Variants in KLHL29 observed in about 807,000 individuals in gnomAD.
KLHL29 encodes the protein kelch-like protein 29.
In KLHL29, 21 loss-of-function variants were observed where a neutral mutation model predicts 80.4. The ratio of observed to expected loss-of-function variants is 0.26; its 90% CI spans 0.19 to 0.38. The LOEUF (loss-of-function observed/expected upper bound fraction) is 0.38, where lower values mean the gene tolerates loss of function less well. KLHL29 is among the 10% of genes least tolerant of loss of function. The pLI is 1.00. For synonymous variants in KLHL29, 511 were observed against 526.8 expected, an observed-to-expected ratio of 0.97 and a Z score of 0.41; for missense variants, 867 against 1,223.9, an observed-to-expected ratio of 0.71 and a Z score of 4.35.
chr2:23,626,086 G>A (rs1669300682), intron 3 of KLHL29, among the ~76,000 whole-genome samples: 2 of 152,242 alleles, frequency 1.3e-5, no homozygotes, highest in African/African-American at 2.4e-5. Context: ...TTCCATGCAT[G>A]GGGGTAGGAG....
chr2:23,658,311 G>C (rs1670302788), intron 5 of KLHL29, among the ~76,000 whole-genome samples: 2 of 152,128 alleles, frequency 1.3e-5, no homozygotes, highest in Non-Finnish European at 2.9e-5. Flanking sequence ...CTGAGCCCTG[G>C]ACACCAGGGT....
At chr2:23,640,933 G>A (rs1236762833) in intron 4 of KLHL29, among the ~76,000 whole-genome samples, 2 of 152,072 alleles carry the variant, frequency 1.3e-5, no homozygotes, top group Non-Finnish European at 2.9e-5. Context: ...GCCCCACCTC[G>A]GCGCCATTTT....
At chr2:23,412,362 C>T (rs1666886347) in intron 1 of KLHL29, among the ~76,000 whole-genome samples, 1 of 152,186 alleles carries the variant, frequency 6.6e-6, no homozygotes, top group Admixed American at 6.5e-5. Context: ...ACCAAGCCCT[C>T]ACCAGCTCTT....
At chr2:23,679,151 C>T (rs1157377084) in intron 5 of KLHL29, among the ~76,000 whole-genome samples, 1 of 152,112 alleles carries the variant, frequency 6.6e-6, no homozygotes, top group Admixed American at 6.5e-5. Context: ...CTATTCATGC[C>T]TTGTGTATCA....
chr2:23,687,494 C>T lies in KLHL29; in HGVS notation c.1079+2957C>T, dbSNP rs532969059. Among the ~76,000 whole-genome samples, 17 of 152,344 alleles carry T rather than the reference C, an allele frequency of 1.1e-4. 1 individual carries two copies. The South Asian group carries it at 3.3e-3, about 30-fold the overall frequency. ...TGGGAATTCAAGTCACTCACTGGCT[C>T]GTCACTCAGCAAACACACAGGAGCC... On this transcript the variant is annotated intron_variant, in intron 6 of 13. Transcript: ENST00000486442.
intron 1 of KLHL29, among the ~76,000 whole-genome samples, chr2:23,428,181 T>C (rs1247569660): frequency 6.6e-6 from 1 of 152,204 alleles, no homozygotes; most frequent in Non-Finnish European, 1.5e-5. Flanking sequence ...GTTTGGACCG[T>C]GTCCGCAGAA....
At chr2:23,487,473 A>C (rs1664966002) in intron 2 of KLHL29, among the ~76,000 whole-genome samples, 1 of 152,148 alleles carries the variant, frequency 6.6e-6, no homozygotes, top group Non-Finnish European at 1.5e-5. Context: ...CTGGGGAAGA[A>C]GTTCTTTGCT....
At chr2:23,404,740 C>G (rs769288446) in intron 1 of KLHL29, among the ~76,000 whole-genome samples, 1 of 152,242 alleles carries the variant, frequency 6.6e-6, no homozygotes, top group Non-Finnish European at 1.5e-5. Flanking sequence ...CCAACACTTC[C>G]GGCCAGGAAT....
intron 2 of KLHL29, among the ~76,000 whole-genome samples, chr2:23,488,258 T>C (rs558744916): frequency 2.6e-5 from 4 of 152,322 alleles, no homozygotes; most frequent in Admixed American, 2.6e-4. Context: ...GCTGACAATC[T>C]CCACCTGCTA....
intron 2 of KLHL29, among the ~76,000 whole-genome samples, chr2:23,556,739 C>A (rs904878061): frequency 6.6e-6 from 1 of 152,146 alleles, no homozygotes; most frequent in African/African-American, 2.4e-5. Context: ...CCTGCAAGAT[C>A]CCAAAGGCCA....
chr2:23,427,571 A>G (rs1663037743), intron 1 of KLHL29, among the ~76,000 whole-genome samples: 1 of 152,230 alleles, frequency 6.6e-6, no homozygotes, highest in South Asian at 2.1e-4. Flanking sequence ...TCATCATCAC[A>G]GCAAAATTGC....
chr2:23,622,680 C>T (rs1287634084), intron 3 of KLHL29, among the ~76,000 whole-genome samples: 1 of 152,230 alleles, frequency 6.6e-6, no homozygotes, highest in Non-Finnish European at 1.5e-5. Flanking sequence ...AAGGCCTGCT[C>T]CTCATCCCTG....
In KLHL29 at chr2:23,525,738, C is replaced by CCA. The variant is rs1491417790; in HGVS notation, c.-45-36414_-45-36413insCA. 2.5e-4 allele frequency among the ~76,000 whole-genome samples: 7 copies of CCA among 27,804 alleles called. No individual in the cohort carries two copies. In the East Asian group the frequency reaches 4.7e-3, roughly 19 times the overall value. 18.2% of individuals were successfully genotyped at this position (27,804 alleles called of 152,430 possible). A position where few individuals can be genotyped will look rare whatever the true frequency, so the allele number is the denominator to read the frequency against. The stretch of plus-strand genomic sequence containing the variant: ...AGCCCCAGCCCCTGCCCCCCCCCCC[C>CCA]ACCCGAGGCGAGCCAGCAGAGCCAG... On this transcript the variant is annotated intron_variant, in intron 2 of 13. Coordinates refer to ENST00000486442, the MANE Select transcript of KLHL29 (RefSeq NM_052920.2).
At chr2:23,423,297 A>G (rs952768386) in intron 1 of KLHL29, among the ~76,000 whole-genome samples, 5 of 152,184 alleles carry the variant, frequency 3.3e-5, no homozygotes, top group Non-Finnish European at 7.3e-5. Flanking sequence ...CTGCGTGGTC[A>G]GCCTGGCCGA....
chr2:23,502,371 C>T (rs866069302), intron 2 of KLHL29, among the ~76,000 whole-genome samples: 2 of 152,240 alleles, frequency 1.3e-5, no homozygotes, highest in East Asian at 1.9e-4. Context: ...GTTCCTGAGA[C>T]GCTGCCGTGC....
At chr2:23,402,481 G>A (rs1222433120) in intron 1 of KLHL29, among the ~76,000 whole-genome samples, 1 of 152,212 alleles carries the variant, frequency 6.6e-6, no homozygotes, top group Non-Finnish European at 1.5e-5. Context: ...CCTGGTGAAA[G>A]CCCAGGCCAT....
chr2:23,440,807 A>G (rs76882959), intron 1 of KLHL29, among the ~76,000 whole-genome samples: 18 of 151,786 alleles, frequency 1.2e-4, no homozygotes, highest in African/African-American at 3.9e-4. Context: ...TGGAATGGCA[A>G]TCATTAAAAA....
At chr2:23,549,788 G>A (rs1007889330) in intron 2 of KLHL29, among the ~76,000 whole-genome samples, 6 of 152,228 alleles carry the variant, frequency 3.9e-5, no homozygotes, top group Admixed American at 3.9e-4. Context: ...CCCCTCTGTC[G>A]GGGAGAGATG....
chr2:23,388,554 T>G (rs1030669790), intron 1 of KLHL29, among the ~76,000 whole-genome samples: 10 of 152,238 alleles, frequency 6.6e-5, no homozygotes, highest in Admixed American at 6.5e-4. Flanking sequence ...TATTTCAGTA[T>G]TCATGCATTT....
Sources: gnomAD v4.1 joint callset for allele counts (sites outside exome capture counted in the v4.1 genomes callset) on GRCh38, gnomAD v4.1.1 for gene constraint, MANE v1.5 for transcripts, NCBI Gene and HGNC (gene_info 2026-07-23, HGNC 2026-07-21) for gene names.